Variants in UGGT2 observed in about 807,000 individuals in gnomAD.
UGGT2 encodes the protein UDP-glucose glycoprotein glucosyltransferase 2.
A neutral mutation model predicts 192.1 loss-of-function variants in UGGT2; 180 were observed. The ratio of observed to expected loss-of-function variants is 0.94; its 90% confidence interval spans 0.83 to 1.06. UGGT2 has a LOEUF of 1.06. Among genes scored for constraint, UGGT2 ranks in the 50% least tolerant of loss-of-function variants. UGGT2 has a pLI of 0.00. For missense variants in UGGT2, 1,849 were observed against 1,795.7 expected, an observed-to-expected ratio of 1.03 and a Z score of -0.54; for synonymous variants, 580 against 591.0, an observed-to-expected ratio of 0.98 and a Z score of 0.27.
intron 27 of UGGT2, among the ~76,000 whole-genome samples, chr13:95,879,707 G>C (rs2047438879): frequency 6.6e-6 from 1 of 152,192 alleles, no homozygotes; most frequent in Non-Finnish European, 1.5e-5. Context: ...AAAGTGCTTA[G>C]ATTATAGGTG....
chr13:95,827,492 G>A (rs183552295), intron 38 of UGGT2, among the ~76,000 whole-genome samples: 4 of 152,162 alleles, frequency 2.6e-5, no homozygotes, highest in Admixed American at 1.3e-4. Context: ...TTCTTTCCTC[G>A]CAGCCCTCAG....
At position 95,854,493 on chromosome 13, in the gene UGGT2, ACTGT is replaced by A; in HGVS notation, c.4009-22_4009-19del. ...CTCACAATCTAAATAATTAAAATAGACTGTCTGATAAAGACTGTAAAATAACATA... is the reference window on the plus strand; with the variant it reads ...CTCACAATCTAAATAATTAAAATAGACTGATAAAGACTGTAAAATAACATA... On this transcript the variant is annotated intron_variant, in intron 34 of 38. Coordinates refer to ENST00000376747, the MANE Select transcript of UGGT2 (RefSeq NM_020121.4). 6.3e-7 allele frequency: 1 copy of A among 1,585,962 alleles called. No homozygotes were observed. Among genetic ancestry groups the A allele is most frequent in the South Asian group, 1.2e-5 (1 of 86,004 alleles).
intron 38 of UGGT2, among the ~76,000 whole-genome samples, chr13:95,813,502 C>G (rs916390186): frequency 1.3e-5 from 2 of 152,116 alleles, no homozygotes; most frequent in African/African-American, 2.4e-5. Context: ...CTGTTTCTAG[C>G]AAGCTATGCT....
chr13:95,831,673 C>T (rs1886703902), intron 38 of UGGT2, among the ~76,000 whole-genome samples: 1 of 151,880 alleles, frequency 6.6e-6, no homozygotes, highest in African/African-American at 2.4e-5. Context: ...ATAAAATTTC[C>T]TTAACTTATA....
intron 16 of UGGT2, among the ~76,000 whole-genome samples, chr13:95,939,322 A>G (rs752009267): frequency 1.6e-4 from 25 of 152,204 alleles, no homozygotes; most frequent in Non-Finnish European, 3.4e-4. Context: ...CTTCTTCAGA[A>G]AAGTATTCCT....
At chr13:95,909,287 A>G (rs537685666) in intron 20 of UGGT2, among the ~76,000 whole-genome samples, 47 of 152,204 alleles carry the variant, frequency 3.1e-4, no homozygotes, top group African/African-American at 1.1e-3. Context: ...ATGCTGCTAT[A>G]AAGACACACG....
chr13:95,914,274 A>G (rs2048605095), intron 20 of UGGT2, among the ~76,000 whole-genome samples: 1 of 152,036 alleles, frequency 6.6e-6, no homozygotes, highest in Non-Finnish European at 1.5e-5. Flanking sequence ...CAATGAGATG[A>G]TATATTCAAA....
chr13:95,927,950 C>A (rs377435971), intron 17 of UGGT2, among the ~76,000 whole-genome samples: 1,610 of 152,254 alleles, frequency 0.011, 17 homozygotes, highest in Non-Finnish European at 0.018. Context: ...TTAGTGGACA[C>A]AGCACATGTT....
At chr13:95,807,457 T>G (rs1039822186) in intron 38 of UGGT2, among the ~76,000 whole-genome samples, 2 of 152,176 alleles carry the variant, frequency 1.3e-5, no homozygotes, top group African/African-American at 4.8e-5. Flanking sequence ...GCTGTTTGCT[T>G]TAGTTTCAGT....
intron 38 of UGGT2, among the ~76,000 whole-genome samples, chr13:95,813,169 T>C (rs775756075): frequency 6.6e-6 from 1 of 151,980 alleles, no homozygotes; most frequent in Non-Finnish European, 1.5e-5. Context: ...AACTTTGGAA[T>C]TGGGTAATAG....
At chr13:95,931,937 G>C (rs1024972793) in intron 17 of UGGT2, among the ~76,000 whole-genome samples, 1 of 152,214 alleles carries the variant, frequency 6.6e-6, no homozygotes, top group East Asian at 1.9e-4. Context: ...AGCGGACGCC[G>C]AGGGCAAGGA....
At chr13:95,846,257 C>T (rs1232647479) in intron 36 of UGGT2, among the ~76,000 whole-genome samples, 1 of 152,106 alleles carries the variant, frequency 6.6e-6, no homozygotes, top group Non-Finnish European at 1.5e-5. Flanking sequence ...ACCCCGTCTC[C>T]ACCAAAAAAA....
intron 27 of UGGT2, 53 bp downstream of exon 27, chr13:95,884,438 A>G: frequency 1.4e-6 from 2 of 1,392,180 alleles, no homozygotes; most frequent in East Asian, 4.8e-5. Context: ...GTAATAGCTG[A>G]TAAGAATTTA....
intron 31 of UGGT2, 28 bp from the exon 32 acceptor site, chr13:95,860,911 C>T: frequency 7.1e-7 from 1 of 1,411,636 alleles, no homozygotes; most frequent in Non-Finnish European, 9.6e-7. Context: ...ATTGACATTT[C>T]TTAAACATAC....
In UGGT2 at chr13:95,801,759, G is replaced by GCTTT; in HGVS notation, c.*27_*30dup. On this transcript the variant is annotated 3_prime_UTR_variant, in exon 39 of 39. Transcript: ENST00000376747. ...CAGCAGGCGGCAGGTTTCCTGTCAT[G>GCTTT]CTTTCGCCTTCCTTCTCATATACAC... is the stretch of plus-strand genomic sequence containing the variant. The GCTTT allele has an allele frequency of 6.2e-7, 1 of 1,610,722 alleles. No individual in the cohort carries two copies.
chr13:95,801,937 C>G, intron 38 of UGGT2, 125 bp from the exon 39 acceptor site: 2 of 1,010,802 alleles, frequency 2.0e-6, no homozygotes, highest in Non-Finnish European at 3.0e-6. Flanking sequence ...AGTTCAGTAC[C>G]TATATGCTTC....
At chr13:96,004,269 T>C (rs1252407098) in intron 5 of UGGT2, among the ~76,000 whole-genome samples, 1 of 152,216 alleles carries the variant, frequency 6.6e-6, no homozygotes, top group Admixed American at 6.5e-5. Context: ...GTATATGTTA[T>C]AATTTGATAC....
chr13:96,012,904 T>C (rs1194854836), intron 5 of UGGT2, among the ~76,000 whole-genome samples: 3 of 152,046 alleles, frequency 2.0e-5, no homozygotes, highest in African/African-American at 4.8e-5. Context: ...ACATACCAGA[T>C]ACCTGAATGA....
chr13:95,828,286 C>A (rs923399692), intron 38 of UGGT2, among the ~76,000 whole-genome samples: 5 of 152,028 alleles, frequency 3.3e-5, no homozygotes, highest in African/African-American at 1.2e-4. Flanking sequence ...CAAACGCATC[C>A]AAAAGCTAGC....
Sources: allele counts gnomAD v4.1 joint callset (sites outside exome capture counted in the v4.1 genomes callset), GRCh38; gene constraint gnomAD v4.1.1; transcripts MANE v1.5; gene names NCBI Gene and HGNC (gene_info 2026-07-23, HGNC 2026-07-21).